The following KDM4D variants were observed in gnomAD, a reference collection of about 807,000 sequenced individuals.
KDM4D encodes the protein lysine demethylase 4D.
For synonymous variants in KDM4D, 254 were observed against 249.1 expected, an observed-to-expected ratio of 1.02 and a Z score of -0.19; for missense variants, 427 against 674.8, an observed-to-expected ratio of 0.63 and a Z score of 4.07.
Position 94,999,209 on chromosome 11 carries a change from T to G in KDM4D, c.*265T>G. 1 of 310,906 alleles carries G rather than the reference T, an allele frequency of 3.2e-6. No homozygotes were observed. The highest frequency in any genetic ancestry group is 6.2e-6 in the Non-Finnish European group (1 of 160,076). The allele number at this position is 310,906 out of a possible 1,614,324, so 19.3% of individuals were successfully genotyped here. A position where few individuals can be genotyped will look rare whatever the true frequency, so the allele number is the denominator to read the frequency against. ...CTGAGGTTTTATCCACTGGACACAT[T>G]TGTGTGTGAGAACTAGGTCTTGTTG... On this transcript the variant is annotated 3_prime_UTR_variant, in exon 3 of 3. Coordinates refer to ENST00000335080, the MANE Select transcript of KDM4D (RefSeq NM_018039.3).
intron 2 of KDM4D, among the ~76,000 whole-genome samples, chr11:94,996,176 C>T (rs1306661116): frequency 6.6e-6 from 1 of 152,076 alleles, no homozygotes; most frequent in Non-Finnish European, 1.5e-5. Flanking sequence ...ATGAAATATG[C>T]CTCTTAGTTG....
At chr11:94,990,782 T>G (rs587662283) in intron 2 of KDM4D, among the ~76,000 whole-genome samples, 7 of 152,216 alleles carry the variant, frequency 4.6e-5, no homozygotes, top group African/African-American at 1.7e-4. Flanking sequence ...CCCAAAAGGC[T>G]TAGGATGTCA....
chr11:94,975,647 A>G lies in KDM4D; in HGVS notation c.-444-7A>G, dbSNP rs782286706. ...TTTTATTATTATTGTCTATCTTCCTATATTAGAACATAAGTTCCAGGAAAG... is the reference window on the plus strand; with the variant it reads ...TTTTATTATTATTGTCTATCTTCCTGTATTAGAACATAAGTTCCAGGAAAG... On this transcript the variant is annotated splice_region_variant and splice_polypyrimidine_tract_variant and intron_variant, in intron 1 of 2. Transcript: ENST00000335080. The G allele has an allele frequency of 1.3e-5, 2 of 151,926 alleles. No individual in the cohort carries two copies. The highest frequency in any genetic ancestry group is 6.6e-5 in the Admixed American group (1 of 15,266). The allele number at this position is 151,926 out of a possible 1,614,324, so 9.4% of individuals were successfully genotyped here.
intron 2 of KDM4D, among the ~76,000 whole-genome samples, chr11:94,990,543 C>A (rs1211791606): frequency 1.3e-5 from 2 of 152,188 alleles, no homozygotes; most frequent in African/African-American, 4.8e-5. Flanking sequence ...TAAACACAAT[C>A]ATTTACTTTG....
intron 2 of KDM4D, among the ~76,000 whole-genome samples, chr11:94,982,558 A>G (rs1191820559): frequency 2.7e-5 from 4 of 149,902 alleles, no homozygotes; most frequent in South Asian, 4.2e-4. Flanking sequence ...AAAAAAAAAA[A>G]AGAGACATGA....
chr11:94,994,872 T>C (rs1386389064), intron 2 of KDM4D, among the ~76,000 whole-genome samples: 2 of 151,872 alleles, frequency 1.3e-5, no homozygotes, highest in South Asian at 4.2e-4. Context: ...TGATGACTGA[T>C]GATTTAATAA....
rs1194892240 is a variant in KDM4D, at chr11:94,997,845, G to A, written c.473G>A (p.Gly158Glu). 6.2e-7 allele frequency: 1 copy of A among 1,614,228 alleles called. No homozygotes were observed. The highest frequency in any genetic ancestry group is 1.7e-5 in the Admixed American group (1 of 60,034). The change falls in exon 3 of 3, where the codon GGA becomes GAA. Residue 158 changes from glycine (G) to glutamate (E), a missense_variant. Transcript: ENST00000335080. The stretch of plus-strand genomic sequence containing the variant: ...AAACAATGGAATCTTGGGCACCTGG[G>A]AACAATTCAGGACCTGCTGGAAAAG... ...NTKQWNLGHL[G>E]TIQDLLEKEC... is the part of the protein sequence containing the mutation.
intron 2 of KDM4D, among the ~76,000 whole-genome samples, chr11:94,982,515 A>ATCT (rs1857849620): frequency 6.7e-6 from 1 of 150,112 alleles, no homozygotes; most frequent in Non-Finnish European, 1.5e-5. Flanking sequence ...TAGAGATCAT[A>ATCT]TCTAGTTACT....
intron 2 of KDM4D, among the ~76,000 whole-genome samples, chr11:94,981,864 T>C (rs1176271590): frequency 1.5e-4 from 23 of 151,650 alleles, no homozygotes; most frequent in African/African-American, 5.5e-4. Flanking sequence ...TTCTCTTCTT[T>C]TTCTTTCTTT....
intron 2 of KDM4D, among the ~76,000 whole-genome samples, chr11:94,992,269 CA>C (rs35912659): frequency 0.11 from 16,686 of 150,590 alleles, 1,021 homozygotes; most frequent in Middle Eastern, 0.2. Context: ...GACAAACTGG[CA>C]AAAAAAACTA....
chr11:94,999,045 T>G lies in KDM4D; in HGVS notation c.*101T>G. Reference sequence around the variant, plus strand: ...AACTTTGGTTGAGTTTGCAGGACTCTAGGCATGCATGAAAGAGCCCCCCTG... The same window carrying G: ...AACTTTGGTTGAGTTTGCAGGACTCGAGGCATGCATGAAAGAGCCCCCCTG... On this transcript the variant is annotated 3_prime_UTR_variant, in exon 3 of 3. Coordinates refer to ENST00000335080, the MANE Select transcript of KDM4D (RefSeq NM_018039.3). 6 of 1,160,820 alleles carry G rather than the reference T, an allele frequency of 5.2e-6. No individual in the cohort carries two copies. Among genetic ancestry groups the G allele is most frequent in the African/African-American group, 1.5e-5 (1 of 64,846 alleles). The allele number at this position is 1,160,820 out of a possible 1,614,324, so 71.9% of individuals were successfully genotyped here.
chr11:94,994,156 A>T (rs1336596877), intron 2 of KDM4D, among the ~76,000 whole-genome samples: 2 of 152,212 alleles, frequency 1.3e-5, no homozygotes, highest in African/African-American at 4.8e-5. Flanking sequence ...CTATCATTGG[A>T]TCCTCTGACA....
rs374676731 is a variant in KDM4D, at chr11:94,998,830, A to G, written c.1458A>G (p.Pro486=). ...LAGTTCTASG[P]EPEPLPEDGA... is the part of the protein sequence containing the mutation. ...GCACAACATGCACAGCTTCGGGCCC[A>G]GAACCTGAGCCCCTACCTGAGGATG... Residue 486 remains proline, a synonymous_variant, in exon 3 of 3, where the codon CCA becomes CCG. Coordinates refer to ENST00000335080, the MANE Select transcript of KDM4D (RefSeq NM_018039.3). The surrounding 1 kb of genome is among the most constrained non-coding windows in gnomAD (Gnocchi z 6.7). 5 of 1,588,402 alleles carry G rather than the reference A, an allele frequency of 3.1e-6. No individual in the cohort carries two copies. In the African/African-American group the frequency reaches 6.7e-5, roughly 21 times the overall value.
intron 2 of KDM4D, among the ~76,000 whole-genome samples, chr11:94,981,850 T>C (rs782290945): frequency 6.6e-6 from 1 of 151,650 alleles, no homozygotes; most frequent in South Asian, 2.1e-4. Flanking sequence ...TGGTCTCTTA[T>C]TATTTCTCTT....
intron 2 of KDM4D, among the ~76,000 whole-genome samples, chr11:94,986,071 T>C (rs587752595): frequency 6.6e-6 from 1 of 152,308 alleles, no homozygotes; most frequent in African/African-American, 2.4e-5. Context: ...AATTCAATTC[T>C]TGTGCACTTC....
chr11:94,977,813 G>A (rs1479219063), intron 2 of KDM4D, among the ~76,000 whole-genome samples: 3 of 151,980 alleles, frequency 2.0e-5, no homozygotes, highest in Non-Finnish European at 4.4e-5. Flanking sequence ...AGTAATATAG[G>A]TCAAGCATTA....
chr11:94,983,866 T>G (rs899596417), intron 2 of KDM4D, among the ~76,000 whole-genome samples: 5 of 152,180 alleles, frequency 3.3e-5, no homozygotes, highest in Non-Finnish European at 5.9e-5. Flanking sequence ...ATAGGTTTAT[T>G]AGGATAGCCA....
chr11:94,995,781 C>G (rs1555099152), intron 2 of KDM4D, among the ~76,000 whole-genome samples: 1 of 152,108 alleles, frequency 6.6e-6, no homozygotes, highest in Admixed American at 6.5e-5. Context: ...TTCTTATTTC[C>G]TTTTTTATCC....
chr11:94,974,792 A>T (rs1036790186), intron 1 of KDM4D, among the ~76,000 whole-genome samples: 2 of 152,226 alleles, frequency 1.3e-5, no homozygotes, highest in Non-Finnish European at 2.9e-5. Context: ...TTCTACTGCC[A>T]CTACCCTTGC....
Sources: allele counts gnomAD v4.1 joint callset (sites outside exome capture counted in the v4.1 genomes callset), GRCh38; gene constraint gnomAD v4.1.1; non-coding constraint Gnocchi (gnomAD v3.1); transcripts MANE v1.5; gene names NCBI Gene and HGNC (gene_info 2026-07-23, HGNC 2026-07-21).